Variants in PTPN4 observed in about 807,000 individuals in gnomAD.
PTPN4 encodes protein tyrosine phosphatase non-receptor type 4.
PTPN4 carries 49 observed loss-of-function variants against 135.5 expected under a neutral mutation model. The observed-to-expected ratio is 0.36, with a 90% CI of 0.29 to 0.46. The LOEUF (loss-of-function observed/expected upper bound fraction) is 0.46, where lower values mean the gene tolerates loss of function less well. Ranked by LOEUF, PTPN4 falls within the 20% of genes least tolerant of loss-of-function variation. PTPN4 has a pLI of 1.00. For synonymous variants in PTPN4, 333 were observed against 369.9 expected (o/e 0.90, Z 1.14); for missense variants, 860 against 1,101.0 (o/e 0.78, Z 3.10).
chr2:119,943,547 GCATAATGAAAT>G (rs1430575248), intron 15 of PTPN4, among the ~76,000 whole-genome samples: 1 of 148,112 alleles, frequency 6.8e-6, no homozygotes, highest in Non-Finnish European at 1.5e-5. Context: ...GAAAAAAGAA[GCATAATGAAAT>G]CATAAGCTGT....
chr2:119,768,722 CCT>C (rs1456036138), intron 1 of PTPN4, among the ~76,000 whole-genome samples: 1 of 152,150 alleles, frequency 6.6e-6, no homozygotes, highest in Non-Finnish European at 1.5e-5. Context: ...TTGCTTGCCG[CCT>C]CTGAGGCCTG....
intron 10 of PTPN4, among the ~76,000 whole-genome samples, chr2:119,901,527 G>T (rs1678403241): frequency 6.6e-6 from 1 of 152,048 alleles, no homozygotes. Context: ...CACACCAAAG[G>T]CATATTTATT....
At position 119,796,173 on chromosome 2, in the gene PTPN4, C is replaced by T. The variant is rs188759504; in HGVS notation, c.-17-13664C>T. Among the ~76,000 whole-genome samples the T allele has an allele frequency of 3.0e-3, 458 of 152,332 alleles. 2 individuals carry two copies. The highest frequency in any genetic ancestry group is 9.2e-3 in the African/African-American group (383 of 41,578). On this transcript the variant is annotated intron_variant, in intron 1 of 26. Coordinates refer to ENST00000263708, the MANE Select transcript of PTPN4 (RefSeq NM_002830.4). Reference sequence around the variant, plus strand: ...GCTCCCACAGCTGCTCCTGCTGCCACTGCTCTGGCCTCCCCACTGCAGCTG... The same window carrying T: ...GCTCCCACAGCTGCTCCTGCTGCCATTGCTCTGGCCTCCCCACTGCAGCTG...
chr2:119,897,202 G>C (rs1475098565), intron 9 of PTPN4, among the ~76,000 whole-genome samples: 1 of 152,064 alleles, frequency 6.6e-6, no homozygotes, highest in Admixed American at 6.6e-5. Context: ...CAAAGTGCTG[G>C]GATTACAGGC....
Position 119,962,621 on chromosome 2 carries a change from A to G in PTPN4, c.2286A>G (p.Lys762=), listed in dbSNP as rs1042587369. 11 of 1,474,750 alleles carry G rather than the reference A, an allele frequency of 7.5e-6. No homozygotes were observed. Among genetic ancestry groups the G allele is most frequent in the Non-Finnish European group, 9.1e-6 (10 of 1,096,636 alleles). 91.4% of individuals were successfully genotyped at this position (1,474,750 alleles called of 1,614,324 possible). Residue 762 remains lysine (K), a synonymous_variant, in exon 24 of 27, where the codon AAA becomes AAG. Transcript: ENST00000263708. The part of the protein sequence containing the change: ...LTTQVERGRV[K]CHQYWPEPTG... ...TTTATTTATATCAATATCAGGTTAAATGTCACCAATATTGGCCAGAACCCA... is the reference window on the plus strand; with the variant it reads ...TTTATTTATATCAATATCAGGTTAAGTGTCACCAATATTGGCCAGAACCCA...
chr2:119,962,895 T>G, intron 24 of PTPN4, 151 bp downstream of exon 24: 1 of 560,264 alleles, frequency 1.8e-6, no homozygotes, highest in Non-Finnish European at 2.7e-6. Flanking sequence ...CTTTGGAATT[T>G]TATTAAGAGT....
Position 119,967,784 on chromosome 2 carries a change from G to A in PTPN4, c.2559-53G>A. On this transcript the variant is annotated intron_variant, in intron 25 of 26. Transcript: ENST00000263708. ...TCAGTTTTATGCACAAAAGCCACAA[G>A]TAGTTTAACAGAATAGTATCGGTAA... is the stretch of plus-strand genomic sequence containing the variant. 5.7e-6 allele frequency: 8 copies of A among 1,409,060 alleles called. No homozygotes were observed. The South Asian group carries it at 1.3e-4, about 22-fold the overall frequency. 87.3% of individuals were successfully genotyped at this position (1,409,060 alleles called of 1,614,324 possible).
At chr2:119,917,005 TATA>T (rs1276191905) in intron 11 of PTPN4, among the ~76,000 whole-genome samples, 2 of 152,226 alleles carry the variant, frequency 1.3e-5, no homozygotes, top group Non-Finnish European at 2.9e-5. Flanking sequence ...GTGATTAAAA[TATA>T]ATATTGTTAT....
At position 119,807,314 on chromosome 2, in the gene PTPN4, A is replaced by T. The variant is rs1691491493; in HGVS notation, c.-17-2523A>T. On this transcript the variant is annotated intron_variant, in intron 1 of 26. Coordinates refer to ENST00000263708, the MANE Select transcript of PTPN4 (RefSeq NM_002830.4). ...GCTGGTTTTTTGAAAAGATCAACAA[A>T]TTGATAGACTGCTAGCCAGACTAAT... Among the ~76,000 whole-genome samples the T allele has an allele frequency of 2.6e-5, 4 of 152,196 alleles. No homozygotes were observed. The South Asian group carries it at 8.3e-4, about 32-fold the overall frequency.
At chr2:119,889,294 C>G (rs1171361043) in intron 9 of PTPN4, among the ~76,000 whole-genome samples, 1 of 152,108 alleles carries the variant, frequency 6.6e-6, no homozygotes, top group Non-Finnish European at 1.5e-5. Context: ...GTGGTGGGCA[C>G]CTGTAGTCCC....
intron 10 of PTPN4, among the ~76,000 whole-genome samples, chr2:119,906,652 G>C (rs1678494210): frequency 6.6e-6 from 1 of 152,160 alleles, no homozygotes; most frequent in Non-Finnish European, 1.5e-5. Flanking sequence ...ATTAGGTGTA[G>C]AAGAAACATA....
intron 2 of PTPN4, among the ~76,000 whole-genome samples, chr2:119,817,036 T>C (rs1676997399): frequency 6.6e-6 from 1 of 152,210 alleles, no homozygotes; most frequent in South Asian, 2.1e-4. Flanking sequence ...GAAGTTGCCA[T>C]AGAGCTGTGT....
At chr2:119,762,592 C>A (rs1690528404) in intron 1 of PTPN4, among the ~76,000 whole-genome samples, 1 of 152,058 alleles carries the variant, frequency 6.6e-6, no homozygotes, top group Non-Finnish European at 1.5e-5. Context: ...GAGAGTACTT[C>A]TGCCCCCCGC....
chr2:119,881,847 T>C lies in PTPN4; in HGVS notation c.413+17T>C. 6.6e-7 allele frequency: 1 copy of C among 1,519,422 alleles called. No individual in the cohort carries two copies. The highest frequency in any genetic ancestry group is 9.0e-7 in the Non-Finnish European group (1 of 1,109,964). 94.1% of individuals were successfully genotyped at this position (1,519,422 alleles called of 1,614,324 possible). A position where few individuals can be genotyped will look rare whatever the true frequency, so the allele number is the denominator to read the frequency against. On this transcript the variant is annotated intron_variant, in intron 6 of 26. Transcript: ENST00000263708. ...TACTGGAAGGTGGGCTCTTTAAATT[T>C]CTTAAAAAATTTTTTGTAATGGACT...
At chr2:119,832,360 T>C (rs544106966) in intron 2 of PTPN4, among the ~76,000 whole-genome samples, 2 of 152,274 alleles carry the variant, frequency 1.3e-5, no homozygotes, top group South Asian at 4.1e-4. Flanking sequence ...CTGTACTGTC[T>C]GTCAAAAAGA....
chr2:119,777,118 C>G (rs1444257190), intron 1 of PTPN4, among the ~76,000 whole-genome samples: 1 of 152,192 alleles, frequency 6.6e-6, no homozygotes, highest in African/African-American at 2.4e-5. Flanking sequence ...GACCACTCTT[C>G]TTTTTCATTT....
intron 2 of PTPN4, among the ~76,000 whole-genome samples, chr2:119,823,058 A>G (rs1414865803): frequency 2.0e-5 from 3 of 151,952 alleles, no homozygotes; most frequent in Non-Finnish European, 2.9e-5. Flanking sequence ...TCTTATCTCA[A>G]CCTTTATTCT....
intron 10 of PTPN4, among the ~76,000 whole-genome samples, chr2:119,905,935 G>T (rs1678481596): frequency 6.6e-6 from 1 of 152,018 alleles, no homozygotes; most frequent in South Asian, 2.1e-4. Flanking sequence ...TAACATACTA[G>T]AACCTGTGAG....
intron 10 of PTPN4, among the ~76,000 whole-genome samples, chr2:119,907,045 A>G (rs1678499890): frequency 6.6e-6 from 1 of 152,180 alleles, no homozygotes; most frequent in South Asian, 2.1e-4. Flanking sequence ...CAAGAACGCA[A>G]TCTCATTTAC....
Sources: allele counts gnomAD v4.1 joint callset (sites outside exome capture counted in the v4.1 genomes callset), GRCh38; gene constraint gnomAD v4.1.1; transcripts MANE v1.5; gene names NCBI Gene and HGNC (gene_info 2026-07-23, HGNC 2026-07-21).